ERAP1: variants seen among roughly 807,000 people sequenced by gnomAD.
The protein encoded by ERAP1 is adipocyte-derived leucine aminopeptidase.
ERAP1 carries 86 observed loss-of-function variants against 103.7 expected under a neutral mutation model. The observed-to-expected ratio is 0.83, with a 90% CI of 0.70 to 0.99. The LOEUF (loss-of-function observed/expected upper bound fraction) is 0.99, where lower values mean the gene tolerates loss of function less well. Among genes scored for constraint, ERAP1 ranks in the 50% least tolerant of loss-of-function variants. The pLI is 0.00. For synonymous variants in ERAP1, 398 were observed against 402.4 expected (o/e 0.99, Z 0.13); for missense variants, 1,009 against 1,128.4 (o/e 0.89, Z 1.52).
the ERAP1 span, among the ~76,000 whole-genome samples, chr5:96,885,574 T>C: frequency 6.6e-6 from 1 of 152,204 alleles, no homozygotes; most frequent in African/African-American, 2.4e-5. Flanking sequence ...AGATAATTTA[T>C]GGTAATGCTT....
At chr5:96,889,161 C>T in the ERAP1 span, 1 of 1,612,264 alleles carries the variant, frequency 6.2e-7, no homozygotes. Context: ...CATTCAAAAA[C>T]CTCTTCTGAT....
intron 2 of ERAP1, among the ~76,000 whole-genome samples, chr5:96,801,381 C>T (rs1158733240): frequency 1.3e-5 from 2 of 151,466 alleles, no homozygotes; most frequent in African/African-American, 4.9e-5. Context: ...TGGTTTGAGC[C>T]CAGGAGGCAG....
chr5:96,782,978 G>T, intron 15 of ERAP1, 73 bp downstream of exon 15: 1 of 1,490,074 alleles, frequency 6.7e-7, no homozygotes, highest in Non-Finnish European at 9.4e-7. Context: ...TTTCCCTAAT[G>T]TTTAGTACCA....
the ERAP1 span, among the ~76,000 whole-genome samples, chr5:96,912,122 C>A: frequency 6.9e-6 from 1 of 144,674 alleles, no homozygotes; most frequent in African/African-American, 2.6e-5. Context: ...CCCCGGGGGG[C>A]GGAGCCTGCA....
the ERAP1 span, among the ~76,000 whole-genome samples, chr5:96,840,634 T>TA: frequency 8.7e-4 from 133 of 152,308 alleles, 1 homozygote; most frequent in African/African-American, 2.9e-3. Flanking sequence ...CCTGAGTGCT[T>TA]AAAAAAATGC....
chr5:96,921,787 T>C, the ERAP1 span, among the ~76,000 whole-genome samples: 1 of 152,310 alleles, frequency 6.6e-6, no homozygotes, highest in Non-Finnish European at 1.5e-5. Context: ...TTGAATTATG[T>C]CATATTTCTT....
the ERAP1 span, among the ~76,000 whole-genome samples, chr5:96,852,364 G>A: frequency 6.6e-6 from 1 of 152,106 alleles, no homozygotes; most frequent in African/African-American, 2.4e-5. Context: ...CCCACCTCCA[G>A]GTAGTACAGA....
chr5:96,796,792 G>T (rs1349983237), intron 4 of ERAP1, among the ~76,000 whole-genome samples: 1 of 151,982 alleles, frequency 6.6e-6, no homozygotes, highest in Admixed American at 6.6e-5. Context: ...TTTGGTATTT[G>T]GTTTTGTCTT....
chr5:96,784,009 G>C lies in ERAP1; in HGVS notation c.2015C>G (p.Pro672Arg), dbSNP rs769706721. 1.1e-5 allele frequency: 18 copies of C among 1,613,720 alleles called. No homozygotes were observed. The highest frequency in any genetic ancestry group is 1.5e-5 in the Non-Finnish European group (18 of 1,179,856). Residue 672 changes from proline to arginine, a missense_variant, in exon 14 of 19, where the codon CCC becomes CGC. Coordinates refer to ENST00000443439, the MANE Select transcript of ERAP1 (RefSeq NM_001040458.3). ...LYLKHETEIM[P>R]VFQGLNELIP... ...CAGCTCATTCAAACCTTGAAACACG[G>C]GCATAATTTCAGTTTCATGTTTCAA...
At chr5:96,797,762 T>C (rs750038209) in intron 3 of ERAP1, among the ~76,000 whole-genome samples, 2 of 152,234 alleles carry the variant, frequency 1.3e-5, no homozygotes, top group Non-Finnish European at 2.9e-5. Flanking sequence ...TCTTTTTTAT[T>C]GAGATATAAT....
At chr5:96,931,649 T>C in the ERAP1 span, among the ~76,000 whole-genome samples, 5 of 152,218 alleles carry the variant, frequency 3.3e-5, no homozygotes, top group African/African-American at 9.6e-5. Flanking sequence ...TCTACAAATG[T>C]ACAAAATATA....
chr5:96,912,111 AC>A, the ERAP1 span, among the ~76,000 whole-genome samples: 29 of 142,334 alleles, frequency 2.0e-4, no homozygotes, highest in African/African-American at 6.6e-4. Flanking sequence ...AATGGTGTGA[AC>A]CCCGGGGGGC....
At chr5:96,764,792 A>G (rs1769261397) in intron 19 of ERAP1, among the ~76,000 whole-genome samples, 2 of 152,178 alleles carry the variant, frequency 1.3e-5, no homozygotes, top group South Asian at 4.1e-4. Context: ...ATCTGACAAC[A>G]TTAGTAGATG....
At chr5:96,772,660 C>T (rs1772895371), downstream of ERAP1, 1 of 152,646 alleles carries the variant, frequency 6.6e-6, no homozygotes, top group Non-Finnish European at 1.5e-5. Flanking sequence ...GTAAAATCTT[C>T]AGCTGGTGGA....
At chr5:96,935,787 G>A in the ERAP1 span, 1 of 249,068 alleles carries the variant, frequency 4.0e-6, no homozygotes, top group Non-Finnish European at 7.8e-6. Flanking sequence ...GCGGGTCGCA[G>A]TAGGGCTCCA....
At chr5:96,881,803 T>C in the ERAP1 span, among the ~76,000 whole-genome samples, 1 of 152,070 alleles carries the variant, frequency 6.6e-6, no homozygotes, top group African/African-American at 2.4e-5. Context: ...AAAAGAAACA[T>C]TCCACTTGAA....
the ERAP1 span, among the ~76,000 whole-genome samples, chr5:96,893,370 G>T: frequency 6.6e-6 from 1 of 152,106 alleles, no homozygotes; most frequent in Non-Finnish European, 1.5e-5. Context: ...CCACAATAAT[G>T]AGCTGTTGTT....
chr5:96,791,687 AT>A (rs1776748949), intron 8 of ERAP1, among the ~76,000 whole-genome samples: 2 of 152,332 alleles, frequency 1.3e-5, no homozygotes, highest in Middle Eastern at 6.8e-3. Context: ...CAAGACAATT[AT>A]TTGCGTCTCA....
the ERAP1 span, among the ~76,000 whole-genome samples, chr5:96,890,429 C>G: frequency 2.0e-5 from 3 of 152,212 alleles, no homozygotes; most frequent in Non-Finnish European, 4.4e-5. Context: ...TCGCCCACCG[C>G]TCACCTCCTG....
Sources: gnomAD v4.1 joint callset for allele counts (sites outside exome capture counted in the v4.1 genomes callset) on GRCh38, gnomAD v4.1.1 for gene constraint, MANE v1.5 for transcripts, NCBI Gene and HGNC (gene_info 2026-07-23, HGNC 2026-07-21) for gene names.